TTLL8: variants seen among roughly 807,000 people sequenced by gnomAD.
TTLL8 encodes protein monoglycylase TTLL8.
TTLL8 carries 65 observed loss-of-function variants against 77.8 expected under a neutral mutation model. The observed-to-expected ratio is 0.84, with a 90% confidence interval of 0.68 to 1.03. The LOEUF (loss-of-function observed/expected upper bound fraction) is 1.03, where lower values mean the gene tolerates loss of function less well. Ranked by LOEUF, TTLL8 falls within the 50% of genes least tolerant of loss-of-function variation. The pLI is 0.00. For missense variants in TTLL8, 910 were observed against 1,004.5 expected (o/e 0.91, Z 1.27); for synonymous variants, 402 against 422.8 (o/e 0.95, Z 0.60).
intron 4 of TTLL8, chr22:50,046,951 C>T (rs1488217183): frequency 1.2e-5 from 6 of 489,542 alleles, no homozygotes; most frequent in South Asian, 8.7e-5. Context: ...TCTGGGGCCC[C>T]GGATTCACCC....
intron 6 of TTLL8, among the ~76,000 whole-genome samples, chr22:50,043,200 T>C (rs113788794): frequency 6.7e-6 from 1 of 149,692 alleles, no homozygotes; most frequent in Non-Finnish European, 1.5e-5. Context: ...GATGGATAGA[T>C]AGATAAACAG....
intron 12 of TTLL8, among the ~76,000 whole-genome samples, chr22:50,026,272 T>TCTGCACAGCTGCCACC (rs1569219816): frequency 1.3e-5 from 2 of 151,868 alleles, no homozygotes; most frequent in African/African-American, 4.8e-5. Flanking sequence ...CACCCGCCAC[T>TCTGCACAGCTGCCACC]CTGCACAGCC....
upstream of TTLL8, among the ~76,000 whole-genome samples, chr22:50,056,408 C>T (rs994143742): frequency 6.7e-6 from 1 of 150,146 alleles, no homozygotes; most frequent in African/African-American, 2.5e-5. This position sits in a 1 kb window ranked among gnomAD's most constrained non-coding sequence, Gnocchi z 4.1. Flanking sequence ...GGGACGGGGG[C>T]GGGGGCACCG....
At chr22:50,053,720 G>C (rs2061456357) in intron 1 of TTLL8, among the ~76,000 whole-genome samples, 1 of 152,328 alleles carries the variant, frequency 6.6e-6, no homozygotes, top group African/African-American at 2.4e-5. Context: ...ATTTGGGACA[G>C]GGGTGGGGAA....
chr22:50,020,969 A>G (rs2061193942), intron 12 of TTLL8, among the ~76,000 whole-genome samples: 2 of 111,992 alleles, frequency 1.8e-5, no homozygotes, highest in Non-Finnish European at 3.6e-5. Flanking sequence ...TCTGACATGC[A>G]CTCCTCCATC....
intron 9 of TTLL8, among the ~76,000 whole-genome samples, chr22:50,033,893 G>A (rs1434257806): frequency 1.3e-5 from 2 of 152,064 alleles, no homozygotes; most frequent in Admixed American, 6.6e-5. Flanking sequence ...AAAATTAGCC[G>A]GGTGTGGTGG....
chr22:50,033,250 C>T (rs1446910747), exon 10 of TTLL8: 2 of 1,359,300 alleles, frequency 1.5e-6, no homozygotes, highest in Non-Finnish European at 2.0e-6. Flanking sequence ...CCGCAAGTAA[C>T]TCTCCTTGTA....
At chr22:50,032,031 G>T in exon 11 of TTLL8, 1 of 1,366,486 alleles carries the variant, frequency 7.3e-7, no homozygotes, top group Non-Finnish European at 9.8e-7. Context: ...TCCACATGTT[G>T]TGTGCGGGCA....
chr22:50,031,598 T>G (rs1231892204), intron 11 of TTLL8, 88 bp downstream of exon 12: 2 of 1,197,666 alleles, frequency 1.7e-6, no homozygotes, highest in African/African-American at 1.6e-5. Context: ...ACTGGCGGCC[T>G]GCAGCTCCAC....
chr22:50,051,092 C>T (rs2061441582), intron 1 of TTLL8, among the ~76,000 whole-genome samples: 4 of 152,138 alleles, frequency 2.6e-5, no homozygotes, highest in Non-Finnish European at 5.9e-5. Flanking sequence ...GAACTCCTGA[C>T]CTCAGGCGAT....
intron 9 of TTLL8, among the ~76,000 whole-genome samples, chr22:50,033,897 G>A (rs1400904568): frequency 3.3e-5 from 5 of 152,166 alleles, no homozygotes; most frequent in African/African-American, 1.2e-4. Context: ...TTAGCCGGGT[G>A]TGGTGGGCGC....
chr22:50,050,170 C>A, exon 2 of TTLL8: 1 of 1,366,484 alleles, frequency 7.3e-7, no homozygotes, highest in Non-Finnish European at 9.8e-7. Flanking sequence ...AGTGGAACTT[C>A]TTCTCTACCC....
At chr22:50,049,591 C>G (rs1175168512) in intron 2 of TTLL8, among the ~76,000 whole-genome samples, 1 of 152,100 alleles carries the variant, frequency 6.6e-6, no homozygotes, top group East Asian at 1.9e-4. Context: ...TTCCTGGAGG[C>G]CCAGGTGTCC....
chr22:50,057,587 GA>G (rs1227324403), upstream of TTLL8, among the ~76,000 whole-genome samples: 32 of 47,362 alleles, frequency 6.8e-4, 3 homozygotes, highest in African/African-American at 3.3e-3. Flanking sequence ...GGTCTGGGTT[GA>G]GGGTCAGGTT....
intron 8 of TTLL8, among the ~76,000 whole-genome samples, chr22:50,037,294 G>C (rs1453733642): frequency 6.6e-6 from 1 of 151,402 alleles, no homozygotes; most frequent in Non-Finnish European, 1.5e-5. Context: ...CAGCCTCTCT[G>C]CCTCCTGGGT....
intron 8 of TTLL8, among the ~76,000 whole-genome samples, chr22:50,036,076 G>C (rs537354121): frequency 6.6e-6 from 1 of 152,212 alleles, no homozygotes; most frequent in Non-Finnish European, 1.5e-5. Flanking sequence ...GAACAAGCAC[G>C]GGCCTCCAGA....
At chr22:50,042,684 C>A (rs966608773) in intron 6 of TTLL8, among the ~76,000 whole-genome samples, 7 of 152,176 alleles carry the variant, frequency 4.6e-5, no homozygotes, top group Admixed American at 4.6e-4. Context: ...AATCCCAGCA[C>A]TTTGGGAGGC....
At chr22:50,045,127 G>A (rs140665890) in intron 6 of TTLL8, 128 bp downstream of exon 8, 1 of 1,056,766 alleles carries the variant, frequency 9.5e-7, no homozygotes, top group African/African-American at 1.7e-5. Flanking sequence ...GAGAGAGTCT[G>A]AGGCATCGCT....
rs1365430840 is a variant in TTLL8, at chr22:50,044,128, C to A, written c.643+1127G>T. Among the ~76,000 whole-genome samples the A allele has an allele frequency of 6.6e-6, 1 of 152,120 alleles. No homozygotes were observed. The highest frequency in any genetic ancestry group is 1.9e-4 in the East Asian group (1 of 5,196). ...TCACCTGAAGTCAGGAGTTCGAGAC[C>A]AGCCTGGCCAACATGGCAAAACCCC... On this transcript the variant is annotated intron_variant, in intron 6 of 13. Coordinates refer to ENST00000266182, the Ensembl canonical transcript of TTLL8. The surrounding 1 kb of genome is among the most constrained non-coding windows in gnomAD (Gnocchi z 4.2).
Sources: gnomAD v4.1 joint callset for allele counts (sites outside exome capture counted in the v4.1 genomes callset) on GRCh38, gnomAD v4.1.1 for gene constraint, Gnocchi (gnomAD v3.1) non-coding constraint, MANE v1.5 for transcripts, NCBI Gene and HGNC (gene_info 2026-07-23, HGNC 2026-07-21) for gene names.